Variants in TMEM182 observed in about 807,000 individuals in gnomAD.
The protein encoded by TMEM182 is transmembrane protein 182.
In TMEM182, 20 loss-of-function variants were observed where a neutral mutation model predicts 26.8. The observed-to-expected ratio is 0.75, with a 90% CI of 0.53 to 1.09. TMEM182 has a LOEUF of 1.09. TMEM182 is among the 50% of genes least tolerant of loss of function. The pLI is 0.00. For synonymous variants in TMEM182, 109 were observed against 102.2 expected (o/e 1.07, Z -0.40); for missense variants, 277 against 275.5 (o/e 1.01, Z -0.04).
chr2:102,745,228 C>T (rs1013300434), intron 1 of TMEM182, among the ~76,000 whole-genome samples: 3 of 151,736 alleles, frequency 2.0e-5, no homozygotes, highest in Non-Finnish European at 2.9e-5. Flanking sequence ...GAAAGACAAT[C>T]TTCATCTCTG....
chr2:102,745,799 A>C (rs574012558), intron 1 of TMEM182, among the ~76,000 whole-genome samples: 1 of 152,198 alleles, frequency 6.6e-6, no homozygotes, highest in Non-Finnish European at 1.5e-5. Context: ...TGTAGCATGG[A>C]TTCCCAATAA....
intron 1 of TMEM182, among the ~76,000 whole-genome samples, chr2:102,738,626 T>A (rs755256184): frequency 6.6e-6 from 1 of 152,140 alleles, no homozygotes; most frequent in Non-Finnish European, 1.5e-5. Flanking sequence ...AAGTCTCTGC[T>A]AATATATAAT....
At chr2:102,760,467 C>T (rs1227633561), upstream of TMEM182, among the ~76,000 whole-genome samples, 1 of 152,148 alleles carries the variant, frequency 6.6e-6, no homozygotes, top group Non-Finnish European at 1.5e-5. Context: ...CTGGAAATGT[C>T]ATAGCTTGAT....
downstream of TMEM182, among the ~76,000 whole-genome samples, chr2:102,818,919 G>A (rs2104765187): frequency 6.6e-6 from 1 of 152,314 alleles, no homozygotes; most frequent in East Asian, 1.9e-4. Flanking sequence ...TGAAATGACA[G>A]GATAGTTTAC....
rs1682700962 is a variant in TMEM182, at chr2:102,815,217, C to T, written c.*249C>T. The T allele has an allele frequency of 1.3e-5, 17 of 1,287,520 alleles. No homozygotes were observed. In the South Asian group the frequency reaches 2.9e-4, roughly 22 times the overall value. The allele number at this position is 1,287,520 out of a possible 1,614,324, so 79.8% of individuals were successfully genotyped here. A position where few individuals can be genotyped will look rare whatever the true frequency, so the allele number is the denominator to read the frequency against. On this transcript the variant is annotated 3_prime_UTR_variant, in exon 5 of 5. Coordinates refer to ENST00000412401, the MANE Select transcript of TMEM182 (RefSeq NM_144632.5). ...TTAGGGAATAGGTAAACAGGTCTCCCTTTCATTGAACATGTTAGAGTTCAT... is the reference window on the plus strand; with the variant it reads ...TTAGGGAATAGGTAAACAGGTCTCCTTTTCATTGAACATGTTAGAGTTCAT...
chr2:102,821,364 C>G (rs779962046), downstream of TMEM182, among the ~76,000 whole-genome samples: 4 of 152,088 alleles, frequency 2.6e-5, no homozygotes, highest in Non-Finnish European at 5.9e-5. Flanking sequence ...TCCTTCATGG[C>G]TTGGTGCTAT....
chr2:102,826,186 A>G (rs1038019831), intron 3 of TMEM182, among the ~76,000 whole-genome samples: 9 of 151,986 alleles, frequency 5.9e-5, no homozygotes, highest in Non-Finnish European at 1.2e-4. Context: ...TAGAGAGAAA[A>G]CTTCTGCATC....
intron 3 of TMEM182, among the ~76,000 whole-genome samples, chr2:102,767,940 C>A (rs532441401): frequency 6.6e-6 from 1 of 152,204 alleles, no homozygotes; most frequent in Non-Finnish European, 1.5e-5. Context: ...CCAGGACCTG[C>A]CCTAAACTTC....
intron 3 of TMEM182, among the ~76,000 whole-genome samples, chr2:102,765,056 A>G (rs1661837205): frequency 6.6e-6 from 1 of 152,146 alleles, no homozygotes; most frequent in African/African-American, 2.4e-5. Context: ...CAAAAATAGT[A>G]GCTATTATAT....
Position 102,814,755 on chromosome 2 carries a change from AT to A in TMEM182, c.481del (p.Ser161HisfsTer4), listed in dbSNP as rs1558787604. 3.1e-6 allele frequency: 5 copies of A among 1,612,788 alleles called. No individual in the cohort carries two copies. The highest frequency in any genetic ancestry group is 4.2e-6 in the Non-Finnish European group (5 of 1,179,306). ...GGSYIAAGIL[F>X]SLVVMLYVIW... ...CTGTTTCATCCTTCTCAGGCATCCT[AT>A]TTTCATTGGTGGTGATGCTGTATGT... is the stretch of plus-strand genomic sequence containing the variant. On this transcript the variant is annotated frameshift_variant, in exon 5 of 5. Coordinates refer to ENST00000412401, the MANE Select transcript of TMEM182 (RefSeq NM_144632.5). LOFTEE classifies it high-confidence loss of function.
chr2:102,760,357 C>T (rs1016369477), upstream of TMEM182, among the ~76,000 whole-genome samples: 11 of 152,060 alleles, frequency 7.2e-5, no homozygotes, highest in South Asian at 2.1e-4. Context: ...TCTCAAAGGA[C>T]AGAATAGAAT....
In TMEM182 at chr2:102,748,253, T is replaced by C. The variant is rs547638200; in HGVS notation, c.-82-10136T>C. ...GACACTGATAGTCTGCCACAGACAG[T>C]TCATCTGCCCCGCAATGAAATGCCC... On this transcript the variant is annotated intron_variant, in intron 1 of 5. Transcript: ENST00000409173. 7.9e-5 allele frequency among the ~76,000 whole-genome samples: 12 copies of C among 152,332 alleles called. No homozygotes were observed. The South Asian group carries it at 2.1e-3, about 26-fold the overall frequency.
intron 3 of TMEM182, among the ~76,000 whole-genome samples, chr2:102,838,220 A>T (rs150589347): frequency 3.9e-5 from 6 of 152,356 alleles, no homozygotes; most frequent in African/African-American, 1.2e-4. Flanking sequence ...TTTGAGGGAT[A>T]GCTATGTTGT....
upstream of TMEM182, among the ~76,000 whole-genome samples, chr2:102,757,084 A>G (rs1456304139): frequency 6.6e-6 from 1 of 152,124 alleles, no homozygotes; most frequent in Non-Finnish European, 1.5e-5. Context: ...TGCTGGGATT[A>G]CAGGTGTGAG....
At chr2:102,737,437 A>G (rs1679387433) in intron 1 of TMEM182, among the ~76,000 whole-genome samples, 1 of 152,244 alleles carries the variant, frequency 6.6e-6, no homozygotes, top group African/African-American at 2.4e-5. Flanking sequence ...AAATAAAAAT[A>G]CTAAACATGC....
intron 4 of TMEM182, among the ~76,000 whole-genome samples, chr2:102,806,998 A>T (rs1682374393): frequency 2.0e-5 from 3 of 152,246 alleles, no homozygotes; most frequent in Admixed American, 2.0e-4. Flanking sequence ...TCTCATTTTC[A>T]GATTAAACCC....
intron 4 of TMEM182, among the ~76,000 whole-genome samples, chr2:102,807,525 T>C (rs1682392073): frequency 6.6e-6 from 1 of 152,234 alleles, no homozygotes; most frequent in Non-Finnish European, 1.5e-5. Flanking sequence ...AAGTAACTTC[T>C]AGCTTTTCTC....
At chr2:102,820,933 G>C (rs371119735), downstream of TMEM182, among the ~76,000 whole-genome samples, 5 of 152,312 alleles carry the variant, frequency 3.3e-5, no homozygotes, top group East Asian at 9.7e-4. Context: ...AGGAGAACAG[G>C]CTTGAGGGAG....
At chr2:102,773,680 C>T (rs148287150) in intron 3 of TMEM182, among the ~76,000 whole-genome samples, 1 of 152,200 alleles carries the variant, frequency 6.6e-6, no homozygotes, top group East Asian at 1.9e-4. Context: ...TGCTTCCAAT[C>T]TGACATATTA....
Sources: allele counts gnomAD v4.1 joint callset (sites outside exome capture counted in the v4.1 genomes callset), GRCh38; gene constraint gnomAD v4.1.1; transcripts MANE v1.5; gene names NCBI Gene and HGNC (gene_info 2026-07-23, HGNC 2026-07-21).